The following TMEM135 variants were observed in gnomAD, a reference collection of about 807,000 sequenced individuals.
TMEM135 encodes peroxisomal membrane protein 52.
A neutral mutation model predicts 60.3 loss-of-function variants in TMEM135; 30 were observed. That is an observed-to-expected ratio of 0.50 (90% CI 0.37 to 0.68). The LOEUF (loss-of-function observed/expected upper bound fraction) is 0.68, where lower values mean the gene tolerates loss of function less well. Ranked by LOEUF, TMEM135 falls within the 30% of genes least tolerant of loss-of-function variation. TMEM135 has a pLI of 0.00. For synonymous variants in TMEM135, 190 were observed against 186.7 expected, an observed-to-expected ratio of 1.02 and a Z score of -0.14; for missense variants, 468 against 548.8, an observed-to-expected ratio of 0.85 and a Z score of 1.47.
chr11:87,168,278 G>A (rs932762799), intron 5 of TMEM135, among the ~76,000 whole-genome samples: 9 of 151,876 alleles, frequency 5.9e-5, no homozygotes, highest in South Asian at 2.1e-4. Flanking sequence ...TTGATTTTTC[G>A]AAGGGTTTTT....
intron 9 of TMEM135, among the ~76,000 whole-genome samples, chr11:87,308,635 A>G (rs1942591238): frequency 6.6e-6 from 1 of 152,176 alleles, no homozygotes; most frequent in Non-Finnish European, 1.5e-5. Context: ...CACCGGTTTT[A>G]ACAATGTATT....
intron 5 of TMEM135, among the ~76,000 whole-genome samples, chr11:87,181,211 C>T (rs984220982): frequency 3.9e-5 from 6 of 151,958 alleles, no homozygotes; most frequent in African/African-American, 1.5e-4. Context: ...ATGAGTTCAA[C>T]AGCAGAATGG....
At chr11:87,240,828 T>G (rs1339448040) in intron 6 of TMEM135, among the ~76,000 whole-genome samples, 1 of 152,134 alleles carries the variant, frequency 6.6e-6, no homozygotes, top group Admixed American at 6.6e-5. Context: ...CAGCTAGAAA[T>G]TCTTTCCACA....
chr11:87,253,087 A>G (rs1941452188), intron 6 of TMEM135, among the ~76,000 whole-genome samples: 1 of 148,412 alleles, frequency 6.7e-6, no homozygotes, highest in Non-Finnish European at 1.5e-5. Flanking sequence ...ACCAAGTCAC[A>G]TGACTGTGAT....
At chr11:87,305,384 A>G (rs1266966211) in intron 8 of TMEM135, among the ~76,000 whole-genome samples, 1 of 152,182 alleles carries the variant, frequency 6.6e-6, no homozygotes, top group Admixed American at 6.5e-5. Context: ...TAGTTTATAC[A>G]ATGTGTCAAA....
At chr11:87,166,349 T>C (rs1490475628) in intron 5 of TMEM135, among the ~76,000 whole-genome samples, 1 of 151,844 alleles carries the variant, frequency 6.6e-6, no homozygotes, top group Non-Finnish European at 1.5e-5. Context: ...TTGCCATTGC[T>C]TTTGGTGGTT....
intron 4 of TMEM135, among the ~76,000 whole-genome samples, chr11:87,122,529 C>T (rs1417244765): frequency 4.0e-5 from 6 of 151,234 alleles, no homozygotes; most frequent in Non-Finnish European, 7.4e-5. Context: ...GTCATAATCT[C>T]GGCTCACTGC....
chr11:87,070,779 A>G lies in TMEM135; in HGVS notation c.270-744A>G, dbSNP rs117724664. Among the ~76,000 whole-genome samples, 1,429 of 152,364 alleles carry G rather than the reference A, an allele frequency of 9.4e-3. 6 individuals are homozygous for G. The highest frequency in any genetic ancestry group is 0.013 in the Non-Finnish European group (890 of 68,036). Reference sequence around the variant, plus strand: ...AGTACATGAAAAATGATGTACACATAAAACTAAAACGTATAAAATACTTTA... The same window carrying G: ...AGTACATGAAAAATGATGTACACATGAAACTAAAACGTATAAAATACTTTA... On this transcript the variant is annotated intron_variant, in intron 2 of 14. Coordinates refer to ENST00000305494, the MANE Select transcript of TMEM135 (RefSeq NM_022918.4).
At chr11:87,284,757 A>G (rs1026798966) in intron 6 of TMEM135, among the ~76,000 whole-genome samples, 9 of 152,264 alleles carry the variant, frequency 5.9e-5, no homozygotes, top group African/African-American at 2.4e-5. Context: ...CATAAAGGAA[A>G]CAAAATAATC....
chr11:87,285,305 CTA>C (rs974858955), intron 6 of TMEM135, among the ~76,000 whole-genome samples: 6 of 152,100 alleles, frequency 3.9e-5, no homozygotes, highest in African/African-American at 1.4e-4. Flanking sequence ...TTAATTAAAA[CTA>C]TGTCTGAAAT....
intron 5 of TMEM135, chr11:87,178,579 T>C (rs4944674): frequency 0.14 from 60,813 of 442,734 alleles, 4,835 homozygotes; most frequent in African/African-American, 0.27. Flanking sequence ...GGGTGCACCA[T>C]TACACCTGGC....
intron 6 of TMEM135, among the ~76,000 whole-genome samples, chr11:87,264,003 G>C (rs1941702417): frequency 6.6e-6 from 1 of 151,950 alleles, no homozygotes; most frequent in South Asian, 2.1e-4. Context: ...AAGGAAGATA[G>C]AAGTTTGGTA....
chr11:87,204,909 C>A (rs1940202054), intron 5 of TMEM135, among the ~76,000 whole-genome samples: 1 of 152,062 alleles, frequency 6.6e-6, no homozygotes, highest in Non-Finnish European at 1.5e-5. Context: ...TTAATTATTT[C>A]TTCTATCAAA....
intron 4 of TMEM135, among the ~76,000 whole-genome samples, chr11:87,111,666 A>AAAG (rs1555105257): frequency 2.1e-4 from 28 of 130,950 alleles, no homozygotes; most frequent in Admixed American, 3.2e-4. Flanking sequence ...AAAAAAAAAA[A>AAAG]AAAAAGAAAA....
chr11:87,324,502 A>T lies in TMEM135; in HGVS notation c.*3169A>T. 1 of 453,240 alleles carries T rather than the reference A, an allele frequency of 2.2e-6. No homozygotes were observed. Among genetic ancestry groups the T allele is most frequent in the Non-Finnish European group, 4.4e-6 (1 of 226,612 alleles). The allele number at this position is 453,240 out of a possible 1,614,324, so 28.1% of individuals were successfully genotyped here. On this transcript the variant is annotated 3_prime_UTR_variant, in exon 15 of 15. Transcript: ENST00000305494. The stretch of plus-strand genomic sequence containing the variant: ...AGTGGTGCAATCATAGCTCATTGAA[A>T]CCTCAAATTCCTTGGTTCAAGCAAT...
At chr11:87,175,701 G>C (rs1435286952) in intron 5 of TMEM135, among the ~76,000 whole-genome samples, 1 of 152,126 alleles carries the variant, frequency 6.6e-6, no homozygotes, top group Non-Finnish European at 1.5e-5. Flanking sequence ...AATGGGAAGA[G>C]CTTTAGGTCA....
At chr11:87,303,496 A>G (rs191176850) in intron 8 of TMEM135, among the ~76,000 whole-genome samples, 1 of 152,308 alleles carries the variant, frequency 6.6e-6, no homozygotes, top group African/African-American at 2.4e-5. Context: ...CTCTGCCAGC[A>G]TTGTAACTTT....
chr11:87,218,226 A>G (rs896756189), intron 5 of TMEM135, among the ~76,000 whole-genome samples: 5 of 152,002 alleles, frequency 3.3e-5, no homozygotes, highest in Admixed American at 6.6e-5. Context: ...AAATCTCACT[A>G]GTGTCAGTGT....
rs1177735518 is a variant in TMEM135 at position 87,244,879 on chromosome 11, T to G, written c.509+8195T>G. Among the ~76,000 whole-genome samples, 3 of 150,928 alleles carry G rather than the reference T, an allele frequency of 2.0e-5. No individual in the cohort carries two copies. In the South Asian group the frequency reaches 6.3e-4, roughly 32 times the overall value. ...GTTCTGCTCTGATTTTAGTTATTTCTTGCCTTCTGCTAGCTTTTGAATGTG... is the reference window on the plus strand; with the variant it reads ...GTTCTGCTCTGATTTTAGTTATTTCGTGCCTTCTGCTAGCTTTTGAATGTG... On this transcript the variant is annotated intron_variant, in intron 6 of 14. Transcript: ENST00000305494.
Sources: allele counts gnomAD v4.1 joint callset (sites outside exome capture counted in the v4.1 genomes callset), GRCh38; gene constraint gnomAD v4.1.1; transcripts MANE v1.5; gene names NCBI Gene and HGNC (gene_info 2026-07-23, HGNC 2026-07-21).